TERB1: variants seen among roughly 807,000 people sequenced by gnomAD.
TERB1 encodes telomere repeats-binding bouquet formation protein 1.
Under a neutral mutation model 92.3 loss-of-function variants are expected in TERB1, and 63 were observed. The ratio of observed to expected loss-of-function variants is 0.68; its 90% CI spans 0.56 to 0.84. The LOEUF is 0.84. TERB1 is among the 40% of genes least tolerant of loss of function. The pLI is 0.00. For missense variants in TERB1, 709 were observed against 843.7 expected, an observed-to-expected ratio of 0.84 and a Z score of 1.98; for synonymous variants, 252 against 283.9, an observed-to-expected ratio of 0.89 and a Z score of 1.13.
chr16:66,781,802 G>A (rs1012025699), intron 9 of TERB1, among the ~76,000 whole-genome samples: 4 of 152,172 alleles, frequency 2.6e-5, no homozygotes, highest in Non-Finnish European at 5.9e-5. Flanking sequence ...TTACAGGGGT[G>A]AGCCACCGTG....
intron 15 of TERB1, among the ~76,000 whole-genome samples, 175 bp from the exon 16 acceptor site, chr16:66,767,685 G>C (rs1438263235): frequency 6.6e-6 from 1 of 151,972 alleles, no homozygotes; most frequent in Non-Finnish European, 1.5e-5. Flanking sequence ...ACAACAGAAA[G>C]AGTCAAAGGT....
intron 16 of TERB1, among the ~76,000 whole-genome samples, chr16:66,764,362 A>G (rs2018303691): frequency 6.6e-6 from 1 of 152,230 alleles, no homozygotes; most frequent in Non-Finnish European, 1.5e-5. Flanking sequence ...ACTTGATCAA[A>G]TGGCAAAGTT....
chr16:66,798,169 A>G (rs947513205), intron 2 of TERB1, among the ~76,000 whole-genome samples: 3 of 144,794 alleles, frequency 2.1e-5, no homozygotes, highest in African/African-American at 7.8e-5. Flanking sequence ...ATGTACAAGT[A>G]TATTATTTTT....
At chr16:66,790,782 T>G in intron 4 of TERB1, 59 bp from the exon 5 acceptor site, 3 of 1,516,854 alleles carry the variant, frequency 2.0e-6, no homozygotes, top group Non-Finnish European at 2.7e-6. Flanking sequence ...AGGGATAAAA[T>G]AAATCACATG....
At chr16:66,771,917 T>A (rs1034576360) in intron 13 of TERB1, among the ~76,000 whole-genome samples, 1 of 152,150 alleles carries the variant, frequency 6.6e-6, no homozygotes, top group African/African-American at 2.4e-5. Context: ...TAGAAAAATA[T>A]ATTTATATAA....
intron 2 of TERB1, 29 bp downstream of exon 2, chr16:66,800,948 C>T (rs1172082616): frequency 1.3e-5 from 2 of 152,590 alleles, no homozygotes; most frequent in East Asian, 3.9e-4. Context: ...CGCCCGGCTT[C>T]CTGCCCATTC....
rs1293020784 is a variant in TERB1 at position 66,777,342 on chromosome 16, T to C, written c.854-8A>G. 3 of 1,513,470 alleles carry C rather than the reference T, an allele frequency of 2.0e-6. No individual in the cohort carries two copies. The highest frequency in any genetic ancestry group is 2.5e-5 in the East Asian group (1 of 40,608). The allele number at this position is 1,513,470 out of a possible 1,614,324, so 93.8% of individuals were successfully genotyped here. ...GTACTATCCCAAAAGTAGCTATTAGTATAAAATAGGAAAAAAAGATAGTAC... is the reference window on the plus strand; with the variant it reads ...GTACTATCCCAAAAGTAGCTATTAGCATAAAATAGGAAAAAAAGATAGTAC... On this transcript the variant is annotated splice_region_variant and splice_polypyrimidine_tract_variant and intron_variant, in intron 10 of 18. Coordinates refer to ENST00000433154, the MANE Select transcript of TERB1 (RefSeq NM_001136505.2).
At chr16:66,784,884 C>T (rs952608935) in intron 9 of TERB1, among the ~76,000 whole-genome samples, 15 of 150,430 alleles carry the variant, frequency 1.0e-4, no homozygotes, top group South Asian at 2.1e-4. Context: ...TACAGGTGCC[C>T]GGCTAATTTT....
Position 66,786,060 on chromosome 16 carries a change from A to T in TERB1, c.531T>A (p.Ser177=). ...AGACACACAGAGTACTACACACTGA[A>T]GACCACAACTGATAACTCTGGAAAA... The part of the protein sequence containing the change: ...KNVFQSYQLW[S]SVCSTLCVCV... Residue 177 remains serine, a synonymous_variant, in exon 8 of 19, where the codon TCT becomes TCA. Coordinates refer to ENST00000433154, the MANE Select transcript of TERB1 (RefSeq NM_001136505.2). 6.4e-7 allele frequency: 1 copy of T among 1,551,892 alleles called. No homozygotes were observed. The highest frequency in any genetic ancestry group is 8.7e-7 in the Non-Finnish European group (1 of 1,146,932).
Position 66,785,845 on chromosome 16 carries a change from G to C in TERB1, c.641C>G (p.Thr214Arg). 6.5e-7 allele frequency: 1 copy of C among 1,549,052 alleles called. No individual in the cohort carries two copies. The highest frequency in any genetic ancestry group is 8.7e-7 in the Non-Finnish European group (1 of 1,145,842). The change falls in exon 9 of 19, where the codon ACG becomes AGG. Residue 214 changes from threonine to arginine, a missense_variant. Coordinates refer to ENST00000433154, the MANE Select transcript of TERB1 (RefSeq NM_001136505.2). ...PHANEWLKNCTTPEIIRPICS... is the reference protein window; with the variant it reads ...PHANEWLKNCRTPEIIRPICS... ...AATAGGGCGAATTATCTCAGGTGTCGTGCAATTTTTTAGCCATTCATTAGC... is the reference window on the plus strand; with the variant it reads ...AATAGGGCGAATTATCTCAGGTGTCCTGCAATTTTTTAGCCATTCATTAGC...
rs34650910 is a variant in TERB1, at chr16:66,759,120, TA to T, written c.1930+20del. ...GAAGGTATAGCCATAATTACAATTT[TA>T]AAGCTGCTGAATTAATTACTTTTGT... On this transcript the variant is annotated intron_variant, in intron 17 of 18. Coordinates refer to ENST00000433154, the MANE Select transcript of TERB1 (RefSeq NM_001136505.2). 1 of 1,516,830 alleles carries T rather than the reference TA, an allele frequency of 6.6e-7. No homozygotes were observed. The highest frequency in any genetic ancestry group is 2.2e-5 in the Admixed American group (1 of 44,448). 94.0% of individuals were successfully genotyped at this position (1,516,830 alleles called of 1,614,324 possible).
At chr16:66,755,275 G>C (rs1254350235) in intron 18 of TERB1, 112 bp from the exon 19 acceptor site, 3 of 680,148 alleles carry the variant, frequency 4.4e-6, no homozygotes, top group Non-Finnish European at 7.3e-6. Context: ...AAACTACAGA[G>C]TGAGAAATGC....
chr16:66,794,271 T>C (rs1417684274), intron 3 of TERB1, among the ~76,000 whole-genome samples: 1 of 151,962 alleles, frequency 6.6e-6, no homozygotes, highest in Admixed American at 6.6e-5. Flanking sequence ...GGCTAATTTT[T>C]ATATTTTTTG....
At chr16:66,759,098 G>T (rs1201630365) in intron 17 of TERB1, 43 bp downstream of exon 17, 1 of 1,421,578 alleles carries the variant, frequency 7.0e-7, no homozygotes, top group East Asian at 2.5e-5. Flanking sequence ...TAGTTCAGAA[G>T]GTATAGCCAT....
At chr16:66,792,849 A>G (rs1163190719) in intron 3 of TERB1, among the ~76,000 whole-genome samples, 2 of 152,170 alleles carry the variant, frequency 1.3e-5, no homozygotes, top group Non-Finnish European at 2.9e-5. Flanking sequence ...AACATAGAAA[A>G]GCTATAATAC....
At chr16:66,766,592 C>T (rs1433951942) in intron 16 of TERB1, among the ~76,000 whole-genome samples, 1 of 152,106 alleles carries the variant, frequency 6.6e-6, no homozygotes, top group Non-Finnish European at 1.5e-5. Context: ...ATTTTTAAAA[C>T]TTAATGCCTA....
At chr16:66,801,287 G>A (rs1240506475) in intron 1 of TERB1, among the ~76,000 whole-genome samples, 181 bp downstream of exon 1, 1 of 152,226 alleles carries the variant, frequency 6.6e-6, no homozygotes, top group African/African-American at 2.4e-5. Flanking sequence ...GTCTCTAAAT[G>A]GTGCATCACG....
At chr16:66,765,175 A>C (rs1305858347) in intron 16 of TERB1, among the ~76,000 whole-genome samples, 1 of 152,238 alleles carries the variant, frequency 6.6e-6, no homozygotes, top group African/African-American at 2.4e-5. Flanking sequence ...ATGAATGGTA[A>C]CTAGGGGAGA....
rs978340642 is a variant in TERB1, at chr16:66,768,153, T to C, written c.1635A>G (p.Lys545=). 31 of 1,549,626 alleles carry C rather than the reference T, an allele frequency of 2.0e-5. No homozygotes were observed. The highest frequency in any genetic ancestry group is 2.6e-5 in the Non-Finnish European group (30 of 1,145,296). Residue 545 remains lysine, a synonymous_variant, in exon 15 of 19, where the codon AAA becomes AAG. Coordinates refer to ENST00000433154, the MANE Select transcript of TERB1 (RefSeq NM_001136505.2). ...TATTTTTGGCAATGTGAACTGGGTG[T>C]TTAAAAACATGGTCACTAAAAGAAA... is the stretch of plus-strand genomic sequence containing the variant. ...FVSQSSDHVF[K]HPVHIAKNIK... is the part of the protein sequence containing the mutation.
Sources: gnomAD v4.1 joint callset for allele counts (sites outside exome capture counted in the v4.1 genomes callset) on GRCh38, gnomAD v4.1.1 for gene constraint, MANE v1.5 for transcripts, NCBI Gene and HGNC (gene_info 2026-07-23, HGNC 2026-07-21) for gene names.